Variants in CEACAM21 observed in about 807,000 individuals in gnomAD.
The protein encoded by CEACAM21 is CEA cell adhesion molecule 21, also known as cell adhesion molecule CEACAM21.
CEACAM21 carries 38 observed loss-of-function variants against 33.2 expected under a neutral mutation model. The observed-to-expected ratio is 1.14, with a 90% confidence interval of 0.88 to 1.50. The LOEUF (loss-of-function observed/expected upper bound fraction) is 1.50. CEACAM21 is among the 40% of genes most tolerant of loss of function. The pLI, the probability that CEACAM21 is intolerant of heterozygous loss-of-function variation, is 0.00. For missense variants in CEACAM21, 385 were observed against 364.6 expected (o/e 1.06, Z -0.46); for synonymous variants, 156 against 143.0 (o/e 1.09, Z -0.65).
chr19:41,579,433 A>C lies in CEACAM21; in HGVS notation c.505A>C (p.Asn169His). 6.2e-7 allele frequency: 1 copy of C among 1,613,876 alleles called. No individual in the cohort carries two copies. The highest frequency in any genetic ancestry group is 8.5e-7 in the Non-Finnish European group (1 of 1,179,856). Reference protein sequence around the residue: ...KGSVVLTCHTNNTGTSFQWIF... With the variant: ...KGSVVLTCHTHNTGTSFQWIF... ...CTCCGTGGTCCTGACCTGCCACACA[A>C]ATAACACTGGAACCTCTTTCCAGTG... The change falls in exon 3 of 7, where the codon AAT becomes CAT. Residue 169 changes from asparagine (N) to histidine (H), a missense_variant. Physicochemically the swap from Asn to His is moderately conservative, Grantham distance 68 (BLOSUM62 1). Transcript: ENST00000401445.
At chr19:41,562,246 A>G (rs532204339) in intron 1 of CEACAM21, among the ~76,000 whole-genome samples, 7 of 151,946 alleles carry the variant, frequency 4.6e-5, no homozygotes, top group Admixed American at 2.6e-4. Flanking sequence ...CTCCATCTCA[A>G]AAAAACAAAA....
chr19:41,584,230 C>A, intron 3 of CEACAM21, 117 bp from the exon 4 acceptor site: 1 of 834,842 alleles, frequency 1.2e-6, no homozygotes, highest in Non-Finnish European at 2.0e-6. Context: ...CACAACAGAC[C>A]ACACTCAGGC....
In CEACAM21 at chr19:41,584,943, T is replaced by C. The variant is rs114458020; in HGVS notation, c.797+500T>C. Reference sequence around the variant, plus strand: ...CCCCAATATGGCATATCCTGGAATGTCGTTTATGTCTCTTGCCAAAGGGCA... The same window carrying C: ...CCCCAATATGGCATATCCTGGAATGCCGTTTATGTCTCTTGCCAAAGGGCA... On this transcript the variant is annotated intron_variant, in intron 4 of 6. Coordinates refer to ENST00000401445, the MANE Select transcript of CEACAM21 (RefSeq NM_001098506.4). Among the ~76,000 whole-genome samples the C allele has an allele frequency of 4.3e-3, 651 of 152,336 alleles. 6 individuals carry two copies. The highest frequency in any genetic ancestry group is 0.015 in the African/African-American group (618 of 41,580).
At chr19:41,577,064 G>A (rs937764831) in intron 1 of CEACAM21, 136 bp from the exon 2 acceptor site, 2 of 920,626 alleles carry the variant, frequency 2.2e-6, no homozygotes, top group East Asian at 2.6e-5. Context: ...TCATGCTGCT[G>A]ACTTTGACCC....
At chr19:41,572,731 TCCGG>T (rs1220739097), upstream of CEACAM21, among the ~76,000 whole-genome samples, 2 of 152,138 alleles carry the variant, frequency 1.3e-5, no homozygotes, top group Non-Finnish European at 2.9e-5. Flanking sequence ...GAGCATAGAA[TCCGG>T]CCCTGAATTC....
At chr19:41,563,438 G>A (rs188523527) in intron 1 of CEACAM21, among the ~76,000 whole-genome samples, 61 of 152,326 alleles carry the variant, frequency 4.0e-4, no homozygotes, top group Middle Eastern at 3.4e-3. Context: ...GTGGAGTGGA[G>A]GCGAGGCACT....
chr19:41,585,923 G>T, intron 6 of CEACAM21, 52 bp downstream of exon 6: 2 of 1,579,248 alleles, frequency 1.3e-6, no homozygotes, highest in Non-Finnish European at 1.7e-6. Context: ...AGCTGTGCAG[G>T]CTCAGGGCAG....
chr19:41,567,046 T>TTCTC lies in CEACAM21; in HGVS notation c.-404+2005_-404+2008dup, dbSNP rs74276943. 4.2e-3 allele frequency among the ~76,000 whole-genome samples: 630 copies of TTCTC among 151,172 alleles called. 5 individuals carry two copies. The highest frequency in any genetic ancestry group is 0.01 in the African/African-American group (419 of 41,238). ...AATCAATTTATATTTTCATATTGTT[T>TTCTC]TCTCTCTCTCTCTCTCTCATAATGT... is the stretch of plus-strand genomic sequence containing the variant. On this transcript the variant is annotated intron_variant, in intron 2 of 7. Transcript: ENST00000407170.
intron 1 of CEACAM21, among the ~76,000 whole-genome samples, chr19:41,555,632 G>A (rs1555785373): frequency 2.0e-5 from 3 of 151,714 alleles, no homozygotes; most frequent in African/African-American, 7.3e-5. Context: ...CTAAAAGAAG[G>A]GACATGCCAC....
chr19:41,579,558 G>A lies in CEACAM21; in HGVS notation c.630G>A (p.Gly210=). Residue 210 remains glycine (G), a synonymous_variant, in exon 3 of 7, where the codon GGG becomes GGA. Coordinates refer to ENST00000401445, the MANE Select transcript of CEACAM21 (RefSeq NM_001098506.4). ...ACCCCATCAGGCAGGAGGACGCTGG[G>A]GAGTATCAGTGTGAGGTCTCCAACC... ...TIDPIRQEDA[G]EYQCEVSNPV... 4 of 1,605,338 alleles carry A rather than the reference G, an allele frequency of 2.5e-6. No homozygotes were observed. Among genetic ancestry groups the A allele is most frequent in the African/African-American group, 1.3e-5 (1 of 74,810 alleles).
upstream of CEACAM21, among the ~76,000 whole-genome samples, chr19:41,571,866 C>T (rs1429655766): frequency 1.3e-5 from 2 of 152,042 alleles, no homozygotes; most frequent in African/African-American, 4.8e-5. Flanking sequence ...CACCAGTCAC[C>T]TCTCCACCTT....
chr19:41,571,805 C>T (rs782569581), upstream of CEACAM21, among the ~76,000 whole-genome samples: 7 of 152,220 alleles, frequency 4.6e-5, no homozygotes, highest in Admixed American at 2.6e-4. Flanking sequence ...CTCAAGAACA[C>T]TGGATGGCCC....
intron 2 of CEACAM21, among the ~76,000 whole-genome samples, chr19:41,578,008 C>T (rs868983801): frequency 2.6e-5 from 4 of 152,176 alleles, no homozygotes; most frequent in African/African-American, 9.7e-5. Flanking sequence ...GTTGTGGCTT[C>T]CTGGGCAGGG....
At chr19:41,572,251 A>G (rs10406221), upstream of CEACAM21, among the ~76,000 whole-genome samples, 64,362 of 151,998 alleles carry the variant, frequency 0.42, 17,930 homozygotes, top group African/African-American at 0.8. Context: ...GTATATTGCA[A>G]TGATGACAGG....
intron 1 of CEACAM21, among the ~76,000 whole-genome samples, chr19:41,562,734 C>T (rs2041968182): frequency 1.4e-5 from 2 of 146,634 alleles, no homozygotes; most frequent in Non-Finnish European, 3.0e-5. Context: ...TTTCTTTTTT[C>T]TTTTTTTTTT....
At chr19:41,553,204 C>T (rs1288664608) in intron 1 of CEACAM21, among the ~76,000 whole-genome samples, 1 of 151,938 alleles carries the variant, frequency 6.6e-6, no homozygotes, top group South Asian at 2.1e-4. Flanking sequence ...CTCACTGTAA[C>T]CTCCGCTTCC....
chr19:41,554,164 T>C (rs899598800), intron 1 of CEACAM21, among the ~76,000 whole-genome samples: 1 of 152,050 alleles, frequency 6.6e-6, no homozygotes, highest in East Asian at 1.9e-4. Flanking sequence ...CTGTCCTGCT[T>C]GATATCAATG....
In CEACAM21 at chr19:41,585,862, C is replaced by G; in HGVS notation, c.873C>G (p.Ser291=). The G allele has an allele frequency of 6.2e-7, 1 of 1,613,078 alleles. No homozygotes were observed. Among genetic ancestry groups the G allele is most frequent in the Non-Finnish European group, 8.5e-7 (1 of 1,179,554 alleles). Residue 291 remains serine, a synonymous_variant, in exon 6 of 7, where the codon TCC becomes TCG. Transcript: ENST00000401445. ...CAGGCCATGGACCCTCTGACAGCTC[C>G]ATCTCCTAGGTAAGACTGTCCGTTC... The part of the protein sequence containing the change: ...STPGHGPSDS[S]IS
At chr19:41,552,977 T>C (rs1464465041) in intron 1 of CEACAM21, among the ~76,000 whole-genome samples, 1 of 149,194 alleles carries the variant, frequency 6.7e-6, no homozygotes, top group Non-Finnish European at 1.5e-5. Context: ...GAAAAGATTA[T>C]TTAGGAGACT....
Sources: allele counts gnomAD v4.1 joint callset (sites outside exome capture counted in the v4.1 genomes callset), GRCh38; gene constraint gnomAD v4.1.1; transcripts MANE v1.5; gene names NCBI Gene and HGNC (gene_info 2026-07-23, HGNC 2026-07-21).